The following DENND6A variants were observed in gnomAD, a reference collection of about 807,000 sequenced individuals.
DENND6A encodes the protein protein DENND6A.
In DENND6A, 43 loss-of-function variants were observed where a neutral mutation model predicts 95.5. The ratio of observed to expected loss-of-function variants is 0.45; its 90% CI spans 0.35 to 0.58. DENND6A has a LOEUF of 0.58. Ranked by LOEUF, DENND6A falls within the 20% of genes least tolerant of loss-of-function variation. The probability of loss-of-function intolerance (pLI) is 0.00; values close to 1 mark genes in which losing one functional copy is unlikely to be tolerated. For missense variants in DENND6A, 574 were observed against 736.0 expected, an observed-to-expected ratio of 0.78 and a Z score of 2.55; for synonymous variants, 257 against 260.4, an observed-to-expected ratio of 0.99 and a Z score of 0.13.
At chr3:57,630,380 C>G in intron 18 of DENND6A, 41 bp downstream of exon 18, 5 of 1,494,874 alleles carry the variant, frequency 3.3e-6, no homozygotes, top group Non-Finnish European at 4.5e-6. Context: ...TCTTTATTTT[C>G]AACAGTTGTT....
At chr3:57,664,336 GA>G (rs2071491484) in intron 4 of DENND6A, among the ~76,000 whole-genome samples, 1 of 152,166 alleles carries the variant, frequency 6.6e-6, no homozygotes, top group African/African-American at 2.4e-5. Context: ...CATACAATCT[GA>G]AAGGTAATTG....
At chr3:57,633,452 C>G in intron 14 of DENND6A, 98 bp from the exon 15 acceptor site, 1 of 981,984 alleles carries the variant, frequency 1.0e-6, no homozygotes, top group Non-Finnish European at 1.5e-6. Flanking sequence ...TACATTTATA[C>G]TTGATATTTA....
Position 57,628,401 on chromosome 3 carries a change from A to C in DENND6A, c.1696-56T>G, listed in dbSNP as rs1177649116. The C allele has an allele frequency of 3.2e-6, 5 of 1,560,674 alleles. No homozygotes were observed. The African/African-American group carries it at 4.1e-5, about 13-fold the overall frequency. On this transcript the variant is annotated intron_variant, in intron 19 of 19. Transcript: ENST00000311128. ...TTATCCTCAGAATCTGTATTAATACATTACATTCTCTAAATAAACCATTTT... is the reference window on the plus strand; with the variant it reads ...TTATCCTCAGAATCTGTATTAATACCTTACATTCTCTAAATAAACCATTTT...
In DENND6A at chr3:57,682,205, C is replaced by T. The variant is rs534844315; in HGVS notation, c.238-9767G>A. Among the ~76,000 whole-genome samples the T allele has an allele frequency of 6.7e-4, 98 of 147,280 alleles. 1 individual carries two copies. The highest frequency in any genetic ancestry group is 6.6e-3 in the Admixed American group (96 of 14,652). Reference sequence around the variant, plus strand: ...CTGAAGCAGGAGAATCGCTTGAACCCGGCAGGCGGAGGTTTTGGTGAGCCA... The same window carrying T: ...CTGAAGCAGGAGAATCGCTTGAACCTGGCAGGCGGAGGTTTTGGTGAGCCA... On this transcript the variant is annotated intron_variant, in intron 1 of 19. Coordinates refer to ENST00000311128, the MANE Select transcript of DENND6A (RefSeq NM_152678.3).
chr3:57,661,199 G>A (rs1238578688), intron 6 of DENND6A, among the ~76,000 whole-genome samples: 2 of 152,118 alleles, frequency 1.3e-5, no homozygotes, highest in Non-Finnish European at 2.9e-5. Context: ...CTGTCAACTC[G>A]ATATTCATTT....
At chr3:57,687,325 G>A (rs572108518) in intron 1 of DENND6A, among the ~76,000 whole-genome samples, 1 of 152,318 alleles carries the variant, frequency 6.6e-6, no homozygotes, top group South Asian at 2.1e-4. Flanking sequence ...CAGAGCAAGA[G>A]CGCAACTCTT....
At chr3:57,677,677 C>A (rs1040234497) in intron 1 of DENND6A, among the ~76,000 whole-genome samples, 5 of 152,018 alleles carry the variant, frequency 3.3e-5, no homozygotes, top group African/African-American at 9.7e-5. Flanking sequence ...CTCAAATGAT[C>A]CTCCTGCCTC....
In DENND6A at chr3:57,646,333, A is replaced by G. The variant is rs185628851; in HGVS notation, c.924T>C (p.Thr308=). 1.2e-6 allele frequency: 2 copies of G among 1,613,274 alleles called. No individual in the cohort carries two copies. The highest frequency in any genetic ancestry group is 3.3e-5 in the Admixed American group (2 of 59,862). The change falls in exon 10 of 20, where the codon ACT becomes ACC. Residue 308 remains threonine (T), a synonymous_variant. Transcript: ENST00000311128. ...AGACTCACTTAACAAGTGCCAATAC[A>G]GTCTCTGATGATTCCGATGGTGATG... ...MAPSPSESSE[T]VLALVNCISP...
At chr3:57,682,539 T>G (rs2077176070) in intron 1 of DENND6A, among the ~76,000 whole-genome samples, 1 of 152,158 alleles carries the variant, frequency 6.6e-6, no homozygotes, top group Non-Finnish European at 1.5e-5. Flanking sequence ...TAATTTTTCC[T>G]CAATAAATAT....
chr3:57,637,268 C>A (rs2070815660), intron 12 of DENND6A, among the ~76,000 whole-genome samples: 1 of 152,116 alleles, frequency 6.6e-6, no homozygotes, highest in South Asian at 2.1e-4. Flanking sequence ...TTAATGAGTG[C>A]CCTATTAAGA....
intron 5 of DENND6A, among the ~76,000 whole-genome samples, chr3:57,662,813 A>T (rs930175292): frequency 2.6e-5 from 4 of 152,052 alleles, no homozygotes; most frequent in South Asian, 2.1e-4. Flanking sequence ...ATAATAATAA[A>T]AAAAAGATAA....
At chr3:57,686,161 T>G (rs374943735) in intron 1 of DENND6A, among the ~76,000 whole-genome samples, 254 of 152,326 alleles carry the variant, frequency 1.7e-3, no homozygotes, top group African/African-American at 5.7e-3. Context: ...ATGTTTAGCC[T>G]CATTTTCAAT....
At chr3:57,643,838 A>C (rs1399069384) in intron 11 of DENND6A, among the ~76,000 whole-genome samples, 2 of 151,494 alleles carry the variant, frequency 1.3e-5, no homozygotes, top group Admixed American at 6.6e-5. Context: ...AAAAAAAAAA[A>C]AAAACTGTAC....
rs201531073 is a variant in DENND6A, at chr3:57,646,306, A to C, written c.941+10T>G. On this transcript the variant is annotated intron_variant, in intron 10 of 19. Transcript: ENST00000311128. ...AAAAAAACCCAGAAATAGTAACCAA[A>C]TAGACTCACTTAACAAGTGCCAATA... 96 of 1,601,414 alleles carry C rather than the reference A, an allele frequency of 6.0e-5. No homozygotes were observed. The highest frequency in any genetic ancestry group is 3.4e-4 in the Middle Eastern group (2 of 5,970).
intron 1 of DENND6A, among the ~76,000 whole-genome samples, chr3:57,689,023 G>A (rs780211701): frequency 1.3e-5 from 2 of 151,722 alleles, no homozygotes; most frequent in Admixed American, 6.6e-5. Context: ...GCAGTGGCCC[G>A]ATCTTACTGC....
At chr3:57,658,509 C>T (rs1300033056) in intron 8 of DENND6A, among the ~76,000 whole-genome samples, 1 of 152,162 alleles carries the variant, frequency 6.6e-6, no homozygotes, top group Admixed American at 6.5e-5. Context: ...GCCTGGGAGA[C>T]AGAGGGAGAC....
chr3:57,657,415 T>G (rs890899876), intron 9 of DENND6A, among the ~76,000 whole-genome samples: 2 of 152,150 alleles, frequency 1.3e-5, no homozygotes, highest in South Asian at 4.1e-4. Flanking sequence ...AAAAAGCATG[T>G]TTTCTAACAT....
chr3:57,637,602 T>A (rs1401993062), intron 12 of DENND6A, among the ~76,000 whole-genome samples: 1 of 152,064 alleles, frequency 6.6e-6, no homozygotes, highest in African/African-American at 2.4e-5. Flanking sequence ...CAGGGCTGTG[T>A]TGCACAACTT....
intron 15 of DENND6A, among the ~76,000 whole-genome samples, chr3:57,631,716 CTTTTTTTTTTTTT>C (rs1156532234): frequency 2.2e-5 from 2 of 92,014 alleles, no homozygotes; most frequent in South Asian, 7.7e-4. Context: ...TCTCTGCTCT[CTTTTTTTTTTTTT>C]TTTTTTTTTT....
Sources: allele counts gnomAD v4.1 joint callset (sites outside exome capture counted in the v4.1 genomes callset), GRCh38; gene constraint gnomAD v4.1.1; transcripts MANE v1.5; gene names NCBI Gene and HGNC (gene_info 2026-07-23, HGNC 2026-07-21).